The following DCAF10 variants were observed in gnomAD, a reference collection of about 807,000 sequenced individuals.
DCAF10 encodes DDB1 and CUL4 associated factor 10.
In DCAF10, 19 loss-of-function variants were observed where a neutral mutation model predicts 51.9. That is an observed-to-expected ratio of 0.37 (90% CI 0.26 to 0.54). DCAF10 has a LOEUF of 0.54. Among genes scored for constraint, DCAF10 ranks in the 20% least tolerant of loss-of-function variants. The pLI, the probability that DCAF10 is intolerant of heterozygous loss-of-function variation, is 0.87. For synonymous variants in DCAF10, 291 were observed against 297.1 expected, an observed-to-expected ratio of 0.98 and a Z score of 0.21; for missense variants, 510 against 730.6, an observed-to-expected ratio of 0.70 and a Z score of 3.48.
rs1016900123 is a variant in DCAF10 at position 37,829,033 on chromosome 9, A to C, written c.653+9632A>C. Reference sequence around the variant, plus strand: ...ACTTCATTGTAACCAAACGCATCATAATAATGTGAGAAGATAGGCTATAGT... The same window carrying C: ...ACTTCATTGTAACCAAACGCATCATCATAATGTGAGAAGATAGGCTATAGT... On this transcript the variant is annotated intron_variant, in intron 2 of 6. Coordinates refer to ENST00000377724, the MANE Select transcript of DCAF10 (RefSeq NM_024345.5). The surrounding 1 kb of genome is among the most constrained non-coding windows in gnomAD (Gnocchi z 4.2). Among the ~76,000 whole-genome samples, 1 of 152,226 alleles carries C rather than the reference A, an allele frequency of 6.6e-6. No individual in the cohort carries two copies. Among genetic ancestry groups the C allele is most frequent in the African/African-American group, 2.4e-5 (1 of 41,456 alleles).
At chr9:37,819,194 T>C (rs982174861) in intron 1 of DCAF10, 94 bp from the exon 2 acceptor site, 37 of 953,098 alleles carry the variant, frequency 3.9e-5, no homozygotes, top group Non-Finnish European at 5.8e-5. Context: ...AAAAAAGTTA[T>C]TTACCTATAG....
intron 1 of DCAF10, among the ~76,000 whole-genome samples, chr9:37,813,957 C>T (rs1019157697): frequency 1.3e-5 from 2 of 150,874 alleles, no homozygotes; most frequent in African/African-American, 4.9e-5. Flanking sequence ...GCTGAATTGT[C>T]AATAAGCTAA....
chr9:37,821,986 T>G (rs143173130), intron 2 of DCAF10, among the ~76,000 whole-genome samples: 1 of 152,022 alleles, frequency 6.6e-6, no homozygotes, highest in Non-Finnish European at 1.5e-5. Context: ...GAAGAATAAT[T>G]CTTCATATGA....
chr9:37,836,301 A>G, intron 2 of DCAF10: 4 of 1,603,286 alleles, frequency 2.5e-6, no homozygotes, highest in Middle Eastern at 2.0e-4. Context: ...AAGGGTTGCC[A>G]TGGAAGTAAC....
chr9:37,851,098 G>C (rs1252136473), intron 3 of DCAF10, among the ~76,000 whole-genome samples: 1 of 151,474 alleles, frequency 6.6e-6, no homozygotes, highest in African/African-American at 2.4e-5. Context: ...ACAAAGAGTA[G>C]CCGGGTGTGG....
rs1828920372 is a variant in DCAF10 at position 37,801,139 on chromosome 9, C to T, written c.273C>T (p.Pro91=). ...TASAPGEPSP[P]SPPCRRPGPD... is the part of the protein sequence containing the mutation. Reference sequence around the variant, plus strand: ...CCGCCCCGGGAGAGCCGTCACCTCCCTCCCCTCCGTGCCGGCGGCCCGGGC... The same window carrying T: ...CCGCCCCGGGAGAGCCGTCACCTCCTTCCCCTCCGTGCCGGCGGCCCGGGC... The change falls in exon 1 of 7, where the codon CCC becomes CCT. Residue 91 remains proline, a synonymous_variant. Coordinates refer to ENST00000377724, the MANE Select transcript of DCAF10 (RefSeq NM_024345.5). This position sits in a 1 kb window ranked among gnomAD's most constrained non-coding sequence, Gnocchi z 5.5. The T allele has an allele frequency of 2.6e-6, 4 of 1,537,862 alleles. No individual in the cohort carries two copies. The highest frequency in any genetic ancestry group is 3.5e-6 in the Non-Finnish European group (4 of 1,144,414).
intron 5 of DCAF10, among the ~76,000 whole-genome samples, chr9:37,858,914 A>G (rs1830932023): frequency 6.6e-6 from 1 of 152,174 alleles, no homozygotes; most frequent in African/African-American, 2.4e-5. Flanking sequence ...CACTCCATCT[A>G]CACCTCAGCC....
In DCAF10 at chr9:37,860,059, C is replaced by T; in HGVS notation, c.1177C>T (p.Arg393Ter). Residue 393 changes from arginine (R) to a stop codon, truncating the protein, a stop_gained, in exon 6 of 7, where the codon CGA becomes TGA. Transcript: ENST00000377724. LOFTEE classifies it high-confidence loss of function. ...RASQREGVSP[R>*]NSLEVVTPEV... ...TTCTTATATCTCAGGAGTTTCACCACGAAATAGTCTTGAAGTCGTAACCCC... is the reference window on the plus strand; with the variant it reads ...TTCTTATATCTCAGGAGTTTCACCATGAAATAGTCTTGAAGTCGTAACCCC... 6.2e-7 allele frequency: 1 copy of T among 1,614,008 alleles called. No individual in the cohort carries two copies. The highest frequency in any genetic ancestry group is 2.2e-5 in the East Asian group (1 of 44,874).
chr9:37,812,384 C>T (rs1398245517), intron 1 of DCAF10, among the ~76,000 whole-genome samples: 1 of 151,978 alleles, frequency 6.6e-6, no homozygotes, highest in Non-Finnish European at 1.5e-5. Flanking sequence ...TTAAAAGCAG[C>T]TAGAGGAAAG....
At chr9:37,814,127 T>TAG (rs1554685262) in intron 1 of DCAF10, among the ~76,000 whole-genome samples, 1 of 100,652 alleles carries the variant, frequency 9.9e-6, no homozygotes, top group Non-Finnish European at 2.0e-5. Context: ...TATATATATA[T>TAG]TTGTTGTTGT....
chr9:37,858,779 T>A (rs894215167), intron 5 of DCAF10, among the ~76,000 whole-genome samples: 4 of 152,234 alleles, frequency 2.6e-5, no homozygotes, highest in Non-Finnish European at 5.9e-5. Context: ...CAAATGCATT[T>A]CAGCATTAGA....
At chr9:37,837,546 C>T (rs1157316680) in intron 2 of DCAF10, among the ~76,000 whole-genome samples, 3 of 150,838 alleles carry the variant, frequency 2.0e-5, no homozygotes, top group African/African-American at 7.3e-5. Context: ...AGCCCTCTTT[C>T]TTTTGGTAAA....
At chr9:37,833,037 C>A (rs1437027369) in intron 2 of DCAF10, among the ~76,000 whole-genome samples, 1 of 151,968 alleles carries the variant, frequency 6.6e-6, no homozygotes, top group African/African-American at 2.4e-5. Context: ...ACAGGCTTGG[C>A]TAATCTTTTG....
intron 3 of DCAF10, among the ~76,000 whole-genome samples, chr9:37,849,286 G>A (rs913216021): frequency 2.0e-5 from 3 of 152,150 alleles, no homozygotes; most frequent in African/African-American, 7.2e-5. Context: ...GGATTGGAAA[G>A]AAGAAAACAC....
chr9:37,853,990 A>ATAT (rs1265913670), intron 3 of DCAF10, among the ~76,000 whole-genome samples: 1 of 152,204 alleles, frequency 6.6e-6, no homozygotes, highest in Non-Finnish European at 1.5e-5. Context: ...GATCATTACA[A>ATAT]TATTATTAGT....
chr9:37,809,907 T>G (rs1829282005), intron 1 of DCAF10, among the ~76,000 whole-genome samples: 1 of 151,474 alleles, frequency 6.6e-6, no homozygotes, highest in African/African-American at 2.4e-5. Flanking sequence ...TCCCAGCATT[T>G]TGGGAGGCCA....
chr9:37,800,607 C>A (rs753845472), upstream of DCAF10: 3 of 1,536,008 alleles, frequency 2.0e-6, no homozygotes, highest in South Asian at 3.6e-5. Context: ...ACCGACTCTG[C>A]CACCCAGATC....
intron 3 of DCAF10, among the ~76,000 whole-genome samples, chr9:37,843,965 A>T (rs1319235286): frequency 6.6e-6 from 1 of 152,240 alleles, no homozygotes; most frequent in Non-Finnish European, 1.5e-5. Flanking sequence ...GAGAAAAAAC[A>T]AACAATTATA....
chr9:37,851,157 T>A (rs1349967523), intron 3 of DCAF10, among the ~76,000 whole-genome samples: 1 of 151,564 alleles, frequency 6.6e-6, no homozygotes, highest in Admixed American at 6.6e-5. Context: ...GGCAGGAGAA[T>A]TGCTTGAACC....
Sources: allele counts gnomAD v4.1 joint callset (sites outside exome capture counted in the v4.1 genomes callset), GRCh38; gene constraint gnomAD v4.1.1; non-coding constraint Gnocchi (gnomAD v3.1); transcripts MANE v1.5; gene names NCBI Gene and HGNC (gene_info 2026-07-23, HGNC 2026-07-21).